Variants in ZNF648 observed in about 807,000 individuals in gnomAD.
The protein encoded by ZNF648 is zinc finger protein 648.
Under a neutral mutation model 0.3 loss-of-function variants are expected in ZNF648, and 1 was observed. The ratio of observed to expected loss-of-function variants is 3.90; its 90% CI spans 1.39 to 18.51. The LOEUF (loss-of-function observed/expected upper bound fraction) is 18.51, where lower values mean the gene tolerates loss of function less well. ZNF648 is among the 30% of genes most tolerant of loss of function. ZNF648 has a pLI of 0.11. For synonymous variants in ZNF648, 376 were observed against 326.8 expected (o/e 1.15, Z -1.62); for missense variants, 874 against 769.7 (o/e 1.14, Z -1.60).
rs1557970240 is a variant in ZNF648 at position 182,056,758 on chromosome 1, C to G, written c.1253G>C (p.Arg418Pro). Residue 418 changes from arginine to proline, a missense_variant, in exon 2 of 2, where the codon CGG becomes CCG. Coordinates refer to ENST00000339948, the MANE Select transcript of ZNF648 (RefSeq NM_001009992.1). Reference sequence around the variant, plus strand: ...GCCGCAGGTGGGGCAGGGGAAGGGCCGCTCGCCCGAGTGCACGCGCTGGTG... The same window carrying G: ...GCCGCAGGTGGGGCAGGGGAAGGGCGGCTCGCCCGAGTGCACGCGCTGGTG... ...VEHQRVHSGE[R>P]PFPCPTCGKC... is the part of the protein sequence containing the mutation. 2 of 1,567,636 alleles carry G rather than the reference C, an allele frequency of 1.3e-6. No homozygotes were observed. Among genetic ancestry groups the G allele is most frequent in the Non-Finnish European group, 1.7e-6 (2 of 1,156,494 alleles).
chr1:182,062,211 A>G (rs1239217521), upstream of ZNF648, among the ~76,000 whole-genome samples: 1 of 152,044 alleles, frequency 6.6e-6, no homozygotes, highest in Non-Finnish European at 1.5e-5. Flanking sequence ...GTGCAGGGAG[A>G]TGGTTTTCTG....
Position 182,058,066 on chromosome 1 carries a change from C to T in ZNF648, c.-56G>A. 1 of 1,526,026 alleles carries T rather than the reference C, an allele frequency of 6.6e-7. No homozygotes were observed. Among genetic ancestry groups the T allele is most frequent in the East Asian group, 2.3e-5 (1 of 44,238 alleles). 94.5% of individuals were successfully genotyped at this position (1,526,026 alleles called of 1,614,324 possible). A position where few individuals can be genotyped will look rare whatever the true frequency, so the allele number is the denominator to read the frequency against. The stretch of plus-strand genomic sequence containing the variant: ...CTGAGGAGGAGTATCCTGCTTGGCT[C>T]AGGATACCTGCAAAAAGAAAAGTAC... On this transcript the variant is annotated 5_prime_UTR_variant, in exon 2 of 2. Transcript: ENST00000339948.
In ZNF648 at chr1:182,056,007, CTGAT is replaced by C. The variant is rs1665898067; in HGVS notation, c.*293_*296del. The C allele has an allele frequency of 2.6e-6, 1 of 386,670 alleles. No homozygotes were observed. 24.0% of individuals were successfully genotyped at this position (386,670 alleles called of 1,614,324 possible). On this transcript the variant is annotated 3_prime_UTR_variant, in exon 2 of 2. Transcript: ENST00000339948. ...CAGCATGTAATTCTAGAAGCAGTTT[CTGAT>C]TGATTCAGGTTCCCCAACCCAAGGA...
the ZNF648 span, among the ~76,000 whole-genome samples, chr1:182,067,987 T>A: frequency 1.5e-4 from 23 of 152,232 alleles, no homozygotes; most frequent in African/African-American, 5.5e-4. Context: ...GGGAATCTTC[T>A]ATACCTTAGG....
chr1:182,057,032 G>A lies in ZNF648; in HGVS notation c.979C>T (p.Arg327Cys), dbSNP rs775367221. ...TWSSDHRKHI[R>C]THTGEKPYPC... ...TAGGGTTTCTCGCCTGTGTGGGTGC[G>A]GATGTGCTTCCGGTGGTCGGAGGAC... The change falls in exon 2 of 2, where the codon CGC becomes TGC. Residue 327 changes from arginine (R) to cysteine (C), a missense_variant. By Grantham distance (180) the Arg-to-Cys change is radical. Coordinates refer to ENST00000339948, the MANE Select transcript of ZNF648 (RefSeq NM_001009992.1). 40 of 1,612,514 alleles carry A rather than the reference G, an allele frequency of 2.5e-5. No homozygotes were observed. The highest frequency in any genetic ancestry group is 3.3e-5 in the Non-Finnish European group (39 of 1,179,682).
chr1:182,057,710 C>T lies in ZNF648; in HGVS notation c.301G>A (p.Ala101Thr). The T allele has an allele frequency of 6.2e-7, 1 of 1,614,246 alleles. No homozygotes were observed. Among genetic ancestry groups the T allele is most frequent in the Non-Finnish European group, 8.5e-7 (1 of 1,180,044 alleles). ...TTTGTCACATCTCTGCTCCAACTGG[C>T]TTTCCCAGACATTTCCACTGGTTTC... ...GQKPVEMSGK[A>T]SWSRDVTKIN... The change falls in exon 2 of 2, where the codon GCC becomes ACC. Residue 101 changes from alanine (A) to threonine (T), a missense_variant. Physicochemically the swap from Ala to Thr is moderately conservative, Grantham distance 58 (BLOSUM62 0). Transcript: ENST00000339948.
In ZNF648 at chr1:182,056,891, T is replaced by G. The variant is rs1265390901; in HGVS notation, c.1120A>C (p.Asn374His). The G allele has an allele frequency of 8.2e-6, 13 of 1,583,620 alleles. No homozygotes were observed. In the South Asian group the frequency reaches 1.4e-4, roughly 17 times the overall value. Reference sequence around the variant, plus strand: ...TGGCGCAGCAGCGACAGCGGCTTGTTGAAGGTCAGGCCGCACTCGGAGCAC... The same window carrying G: ...TGGCGCAGCAGCGACAGCGGCTTGTGGAAGGTCAGGCCGCACTCGGAGCAC... ...FPCSECGLTF[N>H]KPLSLLRHQR... Residue 374 changes from asparagine (N) to histidine (H), a missense_variant, in exon 2 of 2, where the codon AAC becomes CAC. Physicochemically the swap from Asn to His is moderately conservative, Grantham distance 68. Transcript: ENST00000339948.
chr1:182,056,408 C>G lies in ZNF648; in HGVS notation c.1603G>C (p.Glu535Gln). 6.2e-7 allele frequency: 1 copy of G among 1,614,164 alleles called. No homozygotes were observed. Among genetic ancestry groups the G allele is most frequent in the Non-Finnish European group, 8.5e-7 (1 of 1,180,024 alleles). ...CTGGTGAAGGCCTGGCCGCAGTCCT[C>G]ACACTGGTAGGGCCTCTCTCCGTTG... ...MHNGERPYQC[E>Q]DCGQAFTRSN... is the part of the protein sequence containing the mutation. The change falls in exon 2 of 2, where the codon GAG becomes CAG. Residue 535 changes from glutamate to glutamine, a missense_variant. Physicochemically the swap from Glu to Gln is conservative, Grantham distance 29 (BLOSUM62 2). Transcript: ENST00000339948.
intron 1 of ZNF648, among the ~76,000 whole-genome samples, chr1:182,060,997 A>G (rs1666023736): frequency 6.6e-6 from 1 of 152,120 alleles, no homozygotes. Flanking sequence ...GGTGGCACAC[A>G]GCCCTCCACT....
At position 182,056,556 on chromosome 1, in the gene ZNF648, A is replaced by G; in HGVS notation, c.1455T>C (p.Phe485=). 6.2e-7 allele frequency: 1 copy of G among 1,614,080 alleles called. No homozygotes were observed. Among genetic ancestry groups the G allele is most frequent in the Non-Finnish European group, 8.5e-7 (1 of 1,179,998 alleles). ...PFPCTQCGQA[F]ARSSTLKRHQ... ...GCCGCTTCAGGGTCGAAGAGCGGGC[A>G]AAGGCCTGGCCACACTGCGTGCAAG... is the stretch of plus-strand genomic sequence containing the variant. The change falls in exon 2 of 2, where the codon TTT becomes TTC. Residue 485 remains phenylalanine (F), a synonymous_variant. Coordinates refer to ENST00000339948, the MANE Select transcript of ZNF648 (RefSeq NM_001009992.1).
chr1:182,058,196 T>C, intron 1 of ZNF648, 123 bp from the exon 2 acceptor site: 1 of 689,734 alleles, frequency 1.4e-6, no homozygotes, highest in Non-Finnish European at 2.3e-6. Context: ...AGGCATATTG[T>C]TGAGCCTCAC....
Position 182,058,088 on chromosome 1 carries a change from G to T in ZNF648, c.-63-15C>A. On this transcript the variant is annotated splice_polypyrimidine_tract_variant and intron_variant, in intron 1 of 1. Transcript: ENST00000339948. Reference sequence around the variant, plus strand: ...GCTCAGGATACCTGCAAAAAGAAAAGTACGAAGAGAAAATCACAAAGAATG... The same window carrying T: ...GCTCAGGATACCTGCAAAAAGAAAATTACGAAGAGAAAATCACAAAGAATG... The T allele has an allele frequency of 6.7e-7, 1 of 1,494,226 alleles. No individual in the cohort carries two copies. Among genetic ancestry groups the T allele is most frequent in the African/African-American group, 1.4e-5 (1 of 71,228 alleles). 92.6% of individuals were successfully genotyped at this position (1,494,226 alleles called of 1,614,324 possible).
rs201268129 is a variant in ZNF648 at position 182,057,002 on chromosome 1, A to G, written c.1009T>C (p.Cys337Arg). 79 of 1,613,676 alleles carry G rather than the reference A, an allele frequency of 4.9e-5. No individual in the cohort carries two copies. The highest frequency in any genetic ancestry group is 3.3e-4 in the Middle Eastern group (2 of 6,062). ...RTHTGEKPYP[C>R]PDCGKAFVRS... is the part of the protein sequence containing the mutation. ...ACGAAGGCCTTCCCGCAGTCTGGAC[A>G]CGGGTAGGGTTTCTCGCCTGTGTGG... The change falls in exon 2 of 2, where the codon TGT becomes CGT. Residue 337 changes from cysteine to arginine, a missense_variant. By Grantham distance (180) the Cys-to-Arg change is radical. Transcript: ENST00000339948.
intron 1 of ZNF648, among the ~76,000 whole-genome samples, chr1:182,058,453 TCTTACAGTGTCCCCCACTCAGGAAG>T (rs1163212126): frequency 6.6e-6 from 1 of 152,130 alleles, no homozygotes. Flanking sequence ...CCTAAGACAC[TCTTACAGTGTCCCCCACTCAGGAAG>T]CTGGAAACCA....
rs1665882093 is a variant in ZNF648 at position 182,054,797 on chromosome 1, G to A, written c.*1507C>T. 1 of 152,192 alleles carries A rather than the reference G, an allele frequency of 6.6e-6. No individual in the cohort carries two copies. Among genetic ancestry groups the A allele is most frequent in the Non-Finnish European group, 1.5e-5 (1 of 68,048 alleles). 9.4% of individuals were successfully genotyped at this position (152,192 alleles called of 1,614,324 possible). A position where few individuals can be genotyped will look rare whatever the true frequency, so the allele number is the denominator to read the frequency against. The stretch of plus-strand genomic sequence containing the variant: ...GCCCAAGGTCACATCAACAGTAAAG[G>A]ATGGGGATGGACTCTTTTATTACGG... On this transcript the variant is annotated 3_prime_UTR_variant, in exon 2 of 2. Coordinates refer to ENST00000339948, the MANE Select transcript of ZNF648 (RefSeq NM_001009992.1).
At chr1:182,066,278 T>A (rs954463503), upstream of ZNF648, among the ~76,000 whole-genome samples, 1 of 152,182 alleles carries the variant, frequency 6.6e-6, no homozygotes, top group African/African-American at 2.4e-5. Context: ...CATTTGTGCC[T>A]ATCAATGACA....
chr1:182,056,415 G>GT lies in ZNF648; in HGVS notation c.1595dup (p.Tyr532Ter). ...AGGCCTGGCCGCAGTCCTCACACTG[G>GT]TAGGGCCTCTCTCCGTTGTGCATTC... ...HIRMHNGERP[Y>*]QCEDCGQAFT... The change falls in exon 2 of 2, where the codon TAC (tyrosine) becomes TAAC (stop). Residue 532 changes from tyrosine to a stop codon, truncating the protein, a stop_gained and frameshift_variant. Transcript: ENST00000339948. LOFTEE classifies it low-confidence loss of function (END_TRUNC). 6.2e-7 allele frequency: 1 copy of GT among 1,614,174 alleles called. No individual in the cohort carries two copies. The highest frequency in any genetic ancestry group is 8.5e-7 in the Non-Finnish European group (1 of 1,180,026).
chr1:182,057,770 A>G lies in ZNF648; in HGVS notation c.241T>C (p.Phe81Leu). ...PHPLGKEEEK[F>L]SDSSSAGGMG... ...CCCCCAGCACTGGAGGAGTCAGAGA[A>G]TTTCTCTTCCTCTTTGCCCAGTGGA... The change falls in exon 2 of 2, where the codon TTC becomes CTC. Residue 81 changes from phenylalanine to leucine, a missense_variant. Coordinates refer to ENST00000339948, the MANE Select transcript of ZNF648 (RefSeq NM_001009992.1). 1 of 1,614,150 alleles carries G rather than the reference A, an allele frequency of 6.2e-7. No individual in the cohort carries two copies. Among genetic ancestry groups the G allele is most frequent in the Non-Finnish European group, 8.5e-7 (1 of 1,180,022 alleles).
chr1:182,057,450 A>C lies in ZNF648; in HGVS notation c.561T>G (p.Ser187=). The change falls in exon 2 of 2, where the codon TCT becomes TCG. Residue 187 remains serine (S), a synonymous_variant. Coordinates refer to ENST00000339948, the MANE Select transcript of ZNF648 (RefSeq NM_001009992.1). ...HKSVDTSAGN[S]SLLCFPRPGS... ...CCGGCCTGGGGAAACACAACAGAGA[A>C]GAGTTCCCTGCGGACGTGTCTACAC... 1 of 1,614,196 alleles carries C rather than the reference A, an allele frequency of 6.2e-7. No individual in the cohort carries two copies. The highest frequency in any genetic ancestry group is 8.5e-7 in the Non-Finnish European group (1 of 1,180,032).
Sources: gnomAD v4.1 joint callset for allele counts (sites outside exome capture counted in the v4.1 genomes callset) on GRCh38, gnomAD v4.1.1 for gene constraint, MANE v1.5 for transcripts, NCBI Gene and HGNC (gene_info 2026-07-23, HGNC 2026-07-21) for gene names.